ING5: variants seen among roughly 807,000 people sequenced by gnomAD.
ING5 encodes inhibitor of growth family member 5.
ING5 carries 17 observed loss-of-function variants against 37.4 expected under a neutral mutation model. That is an observed-to-expected ratio of 0.45 (90% CI 0.31 to 0.68). ING5 has a LOEUF of 0.68. Among genes scored for constraint, ING5 ranks in the 30% least tolerant of loss-of-function variants. The pLI is 0.05. For missense variants in ING5, 233 were observed against 311.9 expected (o/e 0.75, Z 1.91); for synonymous variants, 123 against 116.6 (o/e 1.06, Z -0.36).
chr2:241,697,528 C>T (rs559607015), upstream of ING5, among the ~76,000 whole-genome samples: 6 of 151,882 alleles, frequency 4.0e-5, no homozygotes, highest in African/African-American at 1.2e-4. Context: ...TATTAAGCCA[C>T]GGAAAGGCAC....
At chr2:241,723,687 T>C (rs1000279918) in intron 7 of ING5, 28 of 1,415,588 alleles carry the variant, frequency 2.0e-5, no homozygotes, top group Non-Finnish European at 2.8e-5. Context: ...GGCATGGATC[T>C]GGGGCTCTGC....
intron 2 of ING5, among the ~76,000 whole-genome samples, chr2:241,696,598 C>T (rs1449823180): frequency 6.6e-6 from 1 of 151,774 alleles, no homozygotes; most frequent in Non-Finnish European, 1.5e-5. Context: ...CCAGCCTGGG[C>T]AACATAGATA....
chr2:241,709,294 A>G lies in ING5; in HGVS notation c.188A>G (p.Glu63Gly), dbSNP rs1559304355. The G allele has an allele frequency of 1.2e-6, 2 of 1,614,116 alleles. No individual in the cohort carries two copies. Among genetic ancestry groups the G allele is most frequent in the Non-Finnish European group, 1.7e-6 (2 of 1,180,020 alleles). ...VKTLSPDQRV[E>G]RLQKIQNAYS... ...ACGCTGTCTCCAGACCAGCGCGTGG[A>G]GCGCCTGCAGAAGATCCAGAACGCC... is the stretch of plus-strand genomic sequence containing the variant. Residue 63 changes from glutamate (E) to glycine (G), a missense_variant, in exon 3 of 8, where the codon GAG (glutamate) becomes GGG (glycine). Physicochemically the swap from Glu to Gly is moderately conservative, Grantham distance 98. Around this residue, in one of 4 missense-constraint regions of ING5, gnomAD observed 93 missense variants for 99.7 expected, o/e 0.93. Transcript: ENST00000313552.
At chr2:241,722,424 C>T (rs942086437) in intron 5 of ING5, 180 of 985,266 alleles carry the variant, frequency 1.8e-4, no homozygotes, top group South Asian at 3.3e-4. Flanking sequence ...GTGAGTGCTG[C>T]GCTTCACGGC....
chr2:241,709,399 G>C lies in ING5; in HGVS notation c.276+17G>C. 1 of 1,603,772 alleles carries C rather than the reference G, an allele frequency of 6.2e-7. No individual in the cohort carries two copies. The highest frequency in any genetic ancestry group is 8.5e-7 in the Non-Finnish European group (1 of 1,174,212). On this transcript the variant is annotated intron_variant, in intron 3 of 7. Transcript: ENST00000313552. ...TACGAGATGGTGAGGGCGGGGCGGG[G>C]GCCATGGCTCTTCCTCTGACCTCTA...
rs550067742 is a variant in ING5 at position 241,696,817 on chromosome 2, CT to C, written c.43+6166del. ...TAATAACCAAGGCTGGGTGTGGTGGCTTATGCCTCTCATCCCAGCACTTTGG... is the reference window on the plus strand; with the variant it reads ...TAATAACCAAGGCTGGGTGTGGTGGCTATGCCTCTCATCCCAGCACTTTGG... On this transcript the variant is annotated intron_variant, in intron 2 of 7. Transcript: ENST00000636051. Among the ~76,000 whole-genome samples, 334 of 152,190 alleles carry C rather than the reference CT, an allele frequency of 2.2e-3. 1 individual carries two copies. Among genetic ancestry groups the C allele is most frequent in the Middle Eastern group, 3.4e-3 (1 of 294 alleles).
chr2:241,692,639 T>C (rs766773395), intron 2 of ING5, among the ~76,000 whole-genome samples: 2 of 152,094 alleles, frequency 1.3e-5, no homozygotes, highest in African/African-American at 4.8e-5. Context: ...GTGAAAGTAC[T>C]GATGCCAGCT....
chr2:241,712,067 G>A lies in ING5; in HGVS notation c.478G>A (p.Gly160Arg). The part of the protein sequence containing the change: ...EDTPKKKKHK[G>R]GSEFTDTILS... ...CACACCAAAGAAAAAGAAGCACAAA[G>A]GAGGGTAAGAGGCTTTCCCCTCTTT... is the stretch of plus-strand genomic sequence containing the variant. The change falls in exon 5 of 8, where the codon GGA (glycine) becomes AGA (arginine). Residue 160 changes from glycine to arginine, a missense_variant. Physicochemically the swap from Gly to Arg is moderately radical, Grantham distance 125 (BLOSUM62 -2). Around this residue, in one of 4 missense-constraint regions of ING5, gnomAD observed 76 missense variants for 68.2 expected, o/e 1.11. Coordinates refer to ENST00000313552, the MANE Select transcript of ING5 (RefSeq NM_032329.6). 6.2e-7 allele frequency: 1 copy of A among 1,607,476 alleles called. No homozygotes were observed. Among genetic ancestry groups the A allele is most frequent in the South Asian group, 1.1e-5 (1 of 89,970 alleles).
chr2:241,706,625 CAAAAAAAAAAAA>C lies in ING5; in HGVS notation c.109+1908_109+1919del, dbSNP rs770869002. The stretch of plus-strand genomic sequence containing the variant: ...GGGCAACAAGAGCGAAACTCCATCT[CAAAAAAAAAAAA>C]AAAAAAGAAAAAAAGGAAGGTAGAT... On this transcript the variant is annotated intron_variant, in intron 2 of 7. Transcript: ENST00000313552. Among the ~76,000 whole-genome samples, 490 of 109,330 alleles carry C rather than the reference CAAAAAAAAAAAA, an allele frequency of 4.5e-3. 4 individuals are homozygous for C. The highest frequency in any genetic ancestry group is 0.014 in the South Asian group (45 of 3,108). 71.7% of individuals were successfully genotyped at this position (109,330 alleles called of 152,430 possible). A position where few individuals can be genotyped will look rare whatever the true frequency, so the allele number is the denominator to read the frequency against.
upstream of ING5, among the ~76,000 whole-genome samples, chr2:241,698,028 A>C (rs1358523844): frequency 6.7e-6 from 1 of 150,074 alleles, no homozygotes; most frequent in East Asian, 2.0e-4. Flanking sequence ...GGTTGTAGTA[A>C]GCCAAGATTG....
At chr2:241,693,945 C>T (rs2069595262) in intron 2 of ING5, among the ~76,000 whole-genome samples, 1 of 151,512 alleles carries the variant, frequency 6.6e-6, no homozygotes, top group Non-Finnish European at 1.5e-5. Context: ...AGGCATGAGC[C>T]ACCGCGCCTG....
At chr2:241,702,878 G>A (rs995812521) in intron 1 of ING5, among the ~76,000 whole-genome samples, 1 of 152,266 alleles carries the variant, frequency 6.6e-6, no homozygotes, top group Non-Finnish European at 1.5e-5. Flanking sequence ...ACAGCTTTGG[G>A]GTCGCGGTGT....
intron 4 of ING5, 86 bp from the exon 5 acceptor site, chr2:241,711,892 G>A (rs2070122429): frequency 2.5e-6 from 3 of 1,194,792 alleles, no homozygotes; most frequent in Middle Eastern, 2.7e-4. Context: ...GAGACAGAGC[G>A]AGACCCCTTT....
At chr2:241,693,314 G>C (rs1391339635) in intron 2 of ING5, among the ~76,000 whole-genome samples, 3 of 151,480 alleles carry the variant, frequency 2.0e-5, no homozygotes, top group Admixed American at 6.6e-5. Flanking sequence ...AGTCACGTTG[G>C]GGGTCAGGGC....
At chr2:241,722,689 T>C (rs1475470038) in intron 5 of ING5, 1 of 985,344 alleles carries the variant, frequency 1.0e-6, no homozygotes, top group Non-Finnish European at 1.2e-6. Flanking sequence ...AGGTGTGTAT[T>C]CAGTTAGTGC....
chr2:241,720,364 C>T (rs935636493), intron 5 of ING5: 3 of 1,190,664 alleles, frequency 2.5e-6, no homozygotes, highest in East Asian at 3.5e-5. Flanking sequence ...CAGGCGCACG[C>T]ACCATCCTGT....
intron 5 of ING5, 37 bp downstream of exon 5, chr2:241,712,108 A>G: frequency 6.8e-7 from 1 of 1,477,740 alleles, no homozygotes; most frequent in Non-Finnish European, 9.2e-7. Flanking sequence ...AAAAGAACGA[A>G]TACCCATAGC....
At chr2:241,699,182 C>T (rs963484933), upstream of ING5, among the ~76,000 whole-genome samples, 5 of 151,424 alleles carry the variant, frequency 3.3e-5, no homozygotes, top group African/African-American at 4.9e-5. Flanking sequence ...ATGCCCACCA[C>T]GCCTGGCTAA....
rs148010042 is a variant in ING5, at chr2:241,709,304, G to T, written c.198G>T (p.Gln66His). 1 of 1,613,994 alleles carries T rather than the reference G, an allele frequency of 6.2e-7. No individual in the cohort carries two copies. The highest frequency in any genetic ancestry group is 1.7e-5 in the Admixed American group (1 of 59,972). ...CAGACCAGCGCGTGGAGCGCCTGCA[G>T]AAGATCCAGAACGCCTACAGCAAGT... ...LSPDQRVERLQKIQNAYSKCK... is the reference protein window; with the variant it reads ...LSPDQRVERLHKIQNAYSKCK... The change falls in exon 3 of 8, where the codon CAG becomes CAT. Residue 66 changes from glutamine to histidine, a missense_variant. Gln to His is a conservative substitution (Grantham distance 24). Transcript: ENST00000313552.
Sources: gnomAD v4.1 joint callset for allele counts (sites outside exome capture counted in the v4.1 genomes callset) on GRCh38, gnomAD v4.1.1 for gene constraint, gnomAD v4.1.1 regional missense constraint, MANE v1.5 for transcripts, NCBI Gene and HGNC (gene_info 2026-07-23, HGNC 2026-07-21) for gene names.